Variants in VAV3 observed in about 807,000 individuals in gnomAD.
VAV3 encodes vav guanine nucleotide exchange factor 3, also known as guanine nucleotide exchange factor VAV3.
VAV3 carries 94 observed loss-of-function variants against 131.2 expected under a neutral mutation model. The ratio of observed to expected loss-of-function variants is 0.72; its 90% CI spans 0.61 to 0.85. The LOEUF is 0.85. Among genes scored for constraint, VAV3 ranks in the 40% least tolerant of loss-of-function variants. VAV3 has a pLI of 0.00. For synonymous variants in VAV3, 349 were observed against 342.0 expected (o/e 1.02, Z -0.22); for missense variants, 939 against 1,002.7 (o/e 0.94, Z 0.86).
intron 15 of VAV3, 25 bp from the exon 16 acceptor site, chr1:107,705,086 TC>T (rs1455695649): frequency 6.4e-7 from 1 of 1,563,478 alleles, no homozygotes; most frequent in South Asian, 1.1e-5. Context: ...AAAATAACTT[TC>T]TATAGAAAGT....
intron 25 of VAV3, among the ~76,000 whole-genome samples, chr1:107,575,413 CTAT>C (rs1649577799): frequency 6.6e-6 from 1 of 152,128 alleles, no homozygotes; most frequent in South Asian, 2.1e-4. Context: ...GATCTCTGAC[CTAT>C]TATTCATGGC....
intron 2 of VAV3, among the ~76,000 whole-genome samples, chr1:107,821,475 G>A (rs1405026160): frequency 6.6e-6 from 1 of 152,190 alleles, no homozygotes. Context: ...TTTACACTGT[G>A]ACATAAAACC....
At chr1:107,579,171 ATAT>A (rs1364766379) in intron 25 of VAV3, among the ~76,000 whole-genome samples, 3 of 152,174 alleles carry the variant, frequency 2.0e-5, no homozygotes, top group Admixed American at 2.0e-4. Context: ...CTTATCTAAA[ATAT>A]TATAATTCCA....
intron 2 of VAV3, among the ~76,000 whole-genome samples, chr1:107,828,549 C>T (rs1199052910): frequency 2.2e-4 from 33 of 152,108 alleles, no homozygotes; most frequent in Admixed American, 2.2e-3. Context: ...GTATCCCTTT[C>T]TGGAGATTCT....
At chr1:107,936,075 T>A (rs1319628862) in intron 1 of VAV3, among the ~76,000 whole-genome samples, 1 of 152,178 alleles carries the variant, frequency 6.6e-6, no homozygotes, top group Non-Finnish European at 1.5e-5. Flanking sequence ...TTATTACAGT[T>A]CCTAGATTTG....
chr1:107,719,898 T>A (rs1661377279), intron 15 of VAV3, among the ~76,000 whole-genome samples: 1 of 152,238 alleles, frequency 6.6e-6, no homozygotes, highest in African/African-American at 2.4e-5. Context: ...GATGAGTTCA[T>A]GTCCTTTGTA....
intron 24 of VAV3, among the ~76,000 whole-genome samples, chr1:107,598,566 G>A (rs1651581754): frequency 6.6e-6 from 1 of 152,018 alleles, no homozygotes; most frequent in African/African-American, 2.4e-5. Context: ...GGTCCTTGTT[G>A]AAGCAAGAAA....
intron 1 of VAV3, among the ~76,000 whole-genome samples, chr1:107,897,934 G>A (rs1186894952): frequency 6.6e-6 from 1 of 152,096 alleles, no homozygotes; most frequent in East Asian, 1.9e-4. Context: ...AACCACTAGA[G>A]TGTGCCACAT....
chr1:107,750,611 T>A (rs1330711216), intron 13 of VAV3, among the ~76,000 whole-genome samples: 1 of 152,142 alleles, frequency 6.6e-6, no homozygotes, highest in African/African-American at 2.4e-5. Flanking sequence ...CAGAAAACAA[T>A]CATTGTCAAC....
Position 107,964,793 on chromosome 1 carries a change from TC to T in VAV3, c.76del (p.Asp26ThrfsTer32). 5 of 1,613,842 alleles carry T rather than the reference TC, an allele frequency of 3.1e-6. No homozygotes were observed. The highest frequency in any genetic ancestry group is 4.2e-6 in the Non-Finnish European group (5 of 1,179,932). On this transcript the variant is annotated frameshift_variant, in exon 1 of 27. Transcript: ENST00000370056. LOFTEE classifies it high-confidence loss of function. ...VLPTNHRVTW[D>X]SAQVFDLAQT... ...CGCAAGGTCGAACACCTGAGCCGAG[TC>T]CCAGGTCACCCGGTGGTTGGTGGGC... is the stretch of plus-strand genomic sequence containing the variant.
intron 19 of VAV3, among the ~76,000 whole-genome samples, chr1:107,652,495 A>G (rs1656244950): frequency 6.6e-6 from 1 of 152,146 alleles, no homozygotes; most frequent in Admixed American, 6.6e-5. Flanking sequence ...GCAAGATCCA[A>G]GAACTCTCTC....
At chr1:107,889,132 A>AGAGTGTGTGT (rs1553226404) in intron 1 of VAV3, among the ~76,000 whole-genome samples, 4 of 141,926 alleles carry the variant, frequency 2.8e-5, no homozygotes, top group East Asian at 2.1e-4. Context: ...TCCTGTGTAG[A>AGAGTGTGTGT]GTGTGTGTGT....
intron 17 of VAV3, among the ~76,000 whole-genome samples, chr1:107,702,795 CAAA>C (rs11312777): frequency 0.02 from 2,692 of 137,738 alleles, 73 homozygotes; most frequent in African/African-American, 0.063. Context: ...CCACGTCTTT[CAAA>C]AAAAAAAAAA....
chr1:107,882,232 T>A (rs1239643256), intron 1 of VAV3, among the ~76,000 whole-genome samples: 1 of 152,160 alleles, frequency 6.6e-6, no homozygotes, highest in Non-Finnish European at 1.5e-5. Context: ...ATTTTCTAAC[T>A]TATATTTGAT....
chr1:107,892,376 C>T (rs552814176), intron 1 of VAV3, among the ~76,000 whole-genome samples: 34 of 152,208 alleles, frequency 2.2e-4, no homozygotes, highest in African/African-American at 7.7e-4. Flanking sequence ...AGATTAGATG[C>T]TAAAGATACA....
chr1:107,812,108 AAT>A (rs1667340821), intron 2 of VAV3, among the ~76,000 whole-genome samples: 1 of 152,218 alleles, frequency 6.6e-6, no homozygotes, highest in Non-Finnish European at 1.5e-5. Flanking sequence ...ATGTTTAAAT[AAT>A]ATCATTAACA....
chr1:107,649,404 C>T (rs1447040565), intron 19 of VAV3, among the ~76,000 whole-genome samples: 1 of 152,072 alleles, frequency 6.6e-6, no homozygotes, highest in Non-Finnish European at 1.5e-5. Context: ...ATATCTAAGT[C>T]AGCAAAGAAC....
chr1:107,806,930 T>C (rs1667087285), intron 2 of VAV3, among the ~76,000 whole-genome samples: 1 of 152,200 alleles, frequency 6.6e-6, no homozygotes, highest in African/African-American at 2.4e-5. Context: ...CTAGATCCCT[T>C]ATAATACCTA....
intron 2 of VAV3, among the ~76,000 whole-genome samples, chr1:107,837,336 T>C (rs1002765802): frequency 7.2e-5 from 11 of 152,048 alleles, no homozygotes; most frequent in African/African-American, 2.4e-4. Flanking sequence ...ATCATCTCAA[T>C]AGACACAGAA....
Sources: gnomAD v4.1 joint callset for allele counts (sites outside exome capture counted in the v4.1 genomes callset) on GRCh38, gnomAD v4.1.1 for gene constraint, MANE v1.5 for transcripts, NCBI Gene and HGNC (gene_info 2026-07-23, HGNC 2026-07-21) for gene names.